PPP2R2B: variants seen among roughly 807,000 people sequenced by gnomAD.
PPP2R2B encodes the protein protein phosphatase 2 regulatory subunit Bbeta, also known as serine/threonine-protein phosphatase 2A 55 kDa regulatory subunit B beta isoform.
PPP2R2B carries 5 observed loss-of-function variants against 46.0 expected under a neutral mutation model. That is an observed-to-expected ratio of 0.11 (90% CI 0.06 to 0.23). PPP2R2B has a LOEUF of 0.23. PPP2R2B is among the 10% of genes least tolerant of loss of function. The pLI, the probability that PPP2R2B is intolerant of heterozygous loss-of-function variation, is 1.00. For synonymous variants in PPP2R2B, 215 were observed against 206.7 expected (o/e 1.04, Z -0.34); for missense variants, 367 against 575.0 (o/e 0.64, Z 3.70).
chr5:147,053,230 ACG>A (rs1261717843), intron 1 of PPP2R2B, among the ~76,000 whole-genome samples: 5 of 131,418 alleles, frequency 3.8e-5, no homozygotes, highest in African/African-American at 1.1e-4. Flanking sequence ...AAAAAAACAC[ACG>A]CGCACACAAA....
At position 146,584,322 on chromosome 5, in the gene PPP2R2B, G is replaced by T. The variant is rs1174837942; in HGVS notation, c.*5625C>A. 6.6e-6 allele frequency: 1 copy of T among 152,226 alleles called. No individual in the cohort carries two copies. Among genetic ancestry groups the T allele is most frequent in the African/African-American group, 2.4e-5 (1 of 41,460 alleles). The allele number at this position is 152,226 out of a possible 1,614,324, so 9.4% of individuals were successfully genotyped here. ...AGTCATAATAAGGTCAAAGTCAGAA[G>T]TTGGAGACCTGTGAGCCACTTGACT... On this transcript the variant is annotated 3_prime_UTR_variant, in exon 10 of 10. Transcript: ENST00000394411.
At chr5:146,876,491 T>C (rs920821962) in intron 2 of PPP2R2B, among the ~76,000 whole-genome samples, 3 of 152,232 alleles carry the variant, frequency 2.0e-5, no homozygotes, top group African/African-American at 7.2e-5. Flanking sequence ...ACTTCTCTCT[T>C]GGATGACATG....
At chr5:146,791,303 A>C (rs1338554089) in intron 2 of PPP2R2B, among the ~76,000 whole-genome samples, 1 of 152,162 alleles carries the variant, frequency 6.6e-6, no homozygotes, top group Non-Finnish European at 1.5e-5. Flanking sequence ...ATATTTTGCC[A>C]ATCTTTTTCT....
intron 2 of PPP2R2B, among the ~76,000 whole-genome samples, chr5:146,820,569 A>C (rs989673969): frequency 7.2e-5 from 11 of 152,204 alleles, no homozygotes; most frequent in African/African-American, 2.4e-4. Context: ...ACACTACTGC[A>C]ATATTATATA....
At chr5:147,020,114 C>A (rs949462425) in intron 1 of PPP2R2B, among the ~76,000 whole-genome samples, 1 of 152,100 alleles carries the variant, frequency 6.6e-6, no homozygotes, top group African/African-American at 2.4e-5. Flanking sequence ...AGAGTTGCAT[C>A]ACTTTCTATA....
chr5:146,869,757 T>A (rs186375019), intron 2 of PPP2R2B, among the ~76,000 whole-genome samples: 1 of 152,320 alleles, frequency 6.6e-6, no homozygotes, highest in East Asian at 1.9e-4. Flanking sequence ...GAATATAGTA[T>A]TATTTGACTT....
intron 7 of PPP2R2B, among the ~76,000 whole-genome samples, chr5:146,629,482 C>T (rs1774280398): frequency 6.6e-6 from 1 of 152,180 alleles, no homozygotes; most frequent in Non-Finnish European, 1.5e-5. Flanking sequence ...ATCATGTCTC[C>T]TCCAGACAGT....
chr5:146,939,318 T>A (rs1174589025), intron 1 of PPP2R2B, among the ~76,000 whole-genome samples: 1 of 152,166 alleles, frequency 6.6e-6, no homozygotes, highest in East Asian at 1.9e-4. Context: ...GTCTGGGGAA[T>A]GAGATCTTTA....
intron 1 of PPP2R2B, among the ~76,000 whole-genome samples, chr5:146,986,579 A>C (rs1337404386): frequency 3.3e-5 from 5 of 152,220 alleles, no homozygotes; most frequent in Non-Finnish European, 7.3e-5. Flanking sequence ...AGTATTAATA[A>C]AAAAACAGAA....
At chr5:146,629,938 T>C (rs1344257268) in intron 7 of PPP2R2B, among the ~76,000 whole-genome samples, 4 of 152,084 alleles carry the variant, frequency 2.6e-5, no homozygotes, top group African/African-American at 7.2e-5. Flanking sequence ...CTCAGCCTCC[T>C]GAGTAGCTGG....
intron 1 of PPP2R2B, among the ~76,000 whole-genome samples, chr5:147,038,537 T>G (rs1041121308): frequency 2.6e-5 from 4 of 152,178 alleles, no homozygotes; most frequent in Admixed American, 2.6e-4. Flanking sequence ...TGTTTAGAAT[T>G]CTGTTCAATG....
rs373444509 is a variant in PPP2R2B at position 146,589,998 on chromosome 5, T to G, written c.1281A>C (p.Ile427=). The change falls in exon 10 of 10, where the codon ATA becomes ATC. Residue 427 remains isoleucine, a synonymous_variant. Transcript: ENST00000394411. ...HTAWHPSENI[I]AVAATNNLYI... is the part of the protein sequence containing the mutation. ...ATAGGTTATTTGTAGCCGCCACTGC[T>G]ATAATATTTTCTGAAGGATGCCAAG... 4.2e-5 allele frequency: 67 copies of G among 1,614,086 alleles called. No homozygotes were observed. Among genetic ancestry groups the G allele is most frequent in the Non-Finnish European group, 5.7e-5 (67 of 1,180,030 alleles).
chr5:147,032,488 A>G (rs1358658301), intron 1 of PPP2R2B, among the ~76,000 whole-genome samples: 1 of 152,110 alleles, frequency 6.6e-6, no homozygotes, highest in Non-Finnish European at 1.5e-5. Context: ...CCATATTTAT[A>G]GTATTTTAGC....
intron 5 of PPP2R2B, among the ~76,000 whole-genome samples, chr5:146,667,588 A>C (rs1240721314): frequency 3.3e-5 from 5 of 152,016 alleles, no homozygotes; most frequent in African/African-American, 1.2e-4. Flanking sequence ...AAAAAAACCC[A>C]AAAGGATTAC....
intron 2 of PPP2R2B, among the ~76,000 whole-genome samples, chr5:146,779,025 G>A (rs969804445): frequency 6.6e-6 from 1 of 152,208 alleles, no homozygotes; most frequent in Non-Finnish European, 1.5e-5. Flanking sequence ...GACACAGCAA[G>A]CAGTTAGAAA....
At chr5:146,822,621 C>A (rs774360370) in intron 2 of PPP2R2B, among the ~76,000 whole-genome samples, 15 of 148,814 alleles carry the variant, frequency 1.0e-4, no homozygotes, top group Non-Finnish European at 2.1e-4. Context: ...CTCTCTATAT[C>A]CTTAACTTGT....
chr5:146,759,162 T>G (rs573832586), intron 2 of PPP2R2B, among the ~76,000 whole-genome samples: 2 of 152,182 alleles, frequency 1.3e-5, no homozygotes, highest in Non-Finnish European at 2.9e-5. Context: ...ATTATCTCCA[T>G]GTTGATGTCA....
At chr5:146,720,344 C>T (rs1034573496) in intron 2 of PPP2R2B, among the ~76,000 whole-genome samples, 1 of 152,206 alleles carries the variant, frequency 6.6e-6, no homozygotes, top group African/African-American at 2.4e-5. Flanking sequence ...GGAGGACAGC[C>T]TCTTACCCAG....
intron 2 of PPP2R2B, among the ~76,000 whole-genome samples, chr5:146,714,794 A>G (rs1199340726): frequency 7.1e-6 from 1 of 141,784 alleles, no homozygotes; most frequent in Non-Finnish European, 1.5e-5. Flanking sequence ...TGAATAAAAG[A>G]CCTCTTGATT....
Sources: allele counts gnomAD v4.1 joint callset (sites outside exome capture counted in the v4.1 genomes callset), GRCh38; gene constraint gnomAD v4.1.1; transcripts MANE v1.5; gene names NCBI Gene and HGNC (gene_info 2026-07-23, HGNC 2026-07-21).